Variants in SSTR2 observed in about 807,000 individuals in gnomAD.
SSTR2 encodes the protein somatostatin receptor 2, also known as somatostatin receptor type 2.
SSTR2 carries 10 observed loss-of-function variants against 21.4 expected under a neutral mutation model. The observed-to-expected ratio is 0.47, with a 90% CI of 0.29 to 0.79. The LOEUF is 0.79. Among genes scored for constraint, SSTR2 ranks in the 30% least tolerant of loss-of-function variants. The probability of loss-of-function intolerance (pLI) is 0.10; values close to 1 mark genes in which losing one functional copy is unlikely to be tolerated. For missense variants in SSTR2, 364 were observed against 468.8 expected (o/e 0.78, Z 2.06); for synonymous variants, 177 against 181.3 (o/e 0.98, Z 0.19).
chr17:73,165,128 G>C lies in SSTR2; in HGVS notation c.-253G>C, dbSNP rs1307202094. 1.3e-5 allele frequency: 2 copies of C among 152,124 alleles called. No homozygotes were observed. The highest frequency in any genetic ancestry group is 2.0e-4 in the East Asian group (1 of 5,110). 9.4% of individuals were successfully genotyped at this position (152,124 alleles called of 1,614,324 possible). On this transcript the variant is annotated 5_prime_UTR_variant, in exon 1 of 2. Coordinates refer to ENST00000357585, the MANE Select transcript of SSTR2 (RefSeq NM_001050.3). ...CGAGGGGAGCTCTCTACGTGCGAGGGGCTAGCGGGAGCCGGCACAAGAGGG... is the reference window on the plus strand; with the variant it reads ...CGAGGGGAGCTCTCTACGTGCGAGGCGCTAGCGGGAGCCGGCACAAGAGGG...
In SSTR2 at chr17:73,170,254, A is replaced by G; in HGVS notation, c.935A>G (p.Tyr312Cys). ...YANSCANPIL[Y>C]AFLSDNFKKS... is the part of the protein sequence containing the mutation. ...AACAGCTGTGCCAACCCTATCCTAT[A>G]TGCCTTCTTGTCTGACAACTTCAAG... Residue 312 changes from tyrosine (Y) to cysteine (C), a missense_variant, in exon 2 of 2, where the codon TAT becomes TGT. By Grantham distance (194) the Tyr-to-Cys change is radical. Transcript: ENST00000357585. 6.2e-7 allele frequency: 1 copy of G among 1,613,996 alleles called. No homozygotes were observed. The highest frequency in any genetic ancestry group is 8.5e-7 in the Non-Finnish European group (1 of 1,180,010).
At position 73,170,971 on chromosome 17, in the gene SSTR2, CCTTGCCAAGGCCCAGGAGGGA is replaced by C. The variant is rs2061233342; in HGVS notation, c.*547_*567del. 1 of 328,398 alleles carries C rather than the reference CCTTGCCAAGGCCCAGGAGGGA, an allele frequency of 3.0e-6. No individual in the cohort carries two copies. Among genetic ancestry groups the C allele is most frequent in the East Asian group, 7.8e-5 (1 of 12,840 alleles). The allele number at this position is 328,398 out of a possible 1,614,324, so 20.3% of individuals were successfully genotyped here. A position where few individuals can be genotyped will look rare whatever the true frequency, so the allele number is the denominator to read the frequency against. On this transcript the variant is annotated 3_prime_UTR_variant, in exon 2 of 2. Transcript: ENST00000357585. Reference sequence around the variant, plus strand: ...GCTTCAGGGATCTCTCTTGCACGGGCCTTGCCAAGGCCCAGGAGGGACTTGGGCAGTATGTTCATGTGGTCA... The same window carrying C: ...GCTTCAGGGATCTCTCTTGCACGGGCCTTGGGCAGTATGTTCATGTGGTCA...
intron 1 of SSTR2, among the ~76,000 whole-genome samples, chr17:73,166,453 G>C (rs2061216754): frequency 1.3e-5 from 2 of 151,824 alleles, no homozygotes; most frequent in African/African-American, 2.4e-5. Context: ...AGGGGGGCGG[G>C]GGGGGCAGGT....
Position 73,170,573 on chromosome 17 carries a change from G to T in SSTR2, c.*144G>T. The T allele has an allele frequency of 9.6e-7, 1 of 1,043,184 alleles. No homozygotes were observed. Among genetic ancestry groups the T allele is most frequent in the Admixed American group, 2.0e-5 (1 of 49,962 alleles). The allele number at this position is 1,043,184 out of a possible 1,614,324, so 64.6% of individuals were successfully genotyped here. Reference sequence around the variant, plus strand: ...TCAGCATGAGTCCAATTCAGAGAACGGTGTTTGAGTCAGCTTGTCTGATTG... The same window carrying T: ...TCAGCATGAGTCCAATTCAGAGAACTGTGTTTGAGTCAGCTTGTCTGATTG... On this transcript the variant is annotated 3_prime_UTR_variant, in exon 2 of 2. Coordinates refer to ENST00000357585, the MANE Select transcript of SSTR2 (RefSeq NM_001050.3).
At chr17:73,168,662 C>T (rs781469521) in intron 1 of SSTR2, among the ~76,000 whole-genome samples, 6 of 152,124 alleles carry the variant, frequency 3.9e-5, no homozygotes, top group Non-Finnish European at 7.3e-5. Flanking sequence ...ACATATATTC[C>T]ATCATTTAAC....
At position 73,170,363 on chromosome 17, in the gene SSTR2, C is replaced by T. The variant is rs181609518; in HGVS notation, c.1044C>T (p.Ser348=). ...GERSDSKQDK[S]RLNETTETQR... ...GGAGTGACAGTAAGCAGGACAAATC[C>T]CGGCTGAATGAGACCACGGAGACCC... Residue 348 remains serine, a synonymous_variant, in exon 2 of 2, where the codon TCC becomes TCT. Coordinates refer to ENST00000357585, the MANE Select transcript of SSTR2 (RefSeq NM_001050.3). The T allele has an allele frequency of 6.2e-7, 1 of 1,613,856 alleles. No homozygotes were observed. Among genetic ancestry groups the T allele is most frequent in the Admixed American group, 1.7e-5 (1 of 59,960 alleles).
intron 1 of SSTR2, among the ~76,000 whole-genome samples, chr17:73,168,703 A>C (rs948871635): frequency 9.2e-5 from 14 of 152,330 alleles, no homozygotes; most frequent in Admixed American, 7.2e-4. Flanking sequence ...AAGAAATAAG[A>C]GTCAGAACCA....
intron 1 of SSTR2, among the ~76,000 whole-genome samples, chr17:73,168,938 A>C (rs889042496): frequency 6.6e-6 from 1 of 152,182 alleles, no homozygotes; most frequent in Non-Finnish European, 1.5e-5. Flanking sequence ...TCTGCAGTTT[A>C]GATCAGTCAA....
At chr17:73,167,091 A>C (rs2061218851) in intron 1 of SSTR2, among the ~76,000 whole-genome samples, 1 of 152,222 alleles carries the variant, frequency 6.6e-6, no homozygotes, top group South Asian at 2.1e-4. Context: ...GGCAGCTTGA[A>C]TAGGATTCTG....
chr17:73,167,942 A>G (rs2236754), intron 1 of SSTR2: 44,935 of 152,196 alleles, frequency 0.3, 7,135 homozygotes, highest in Middle Eastern at 0.41. Context: ...AGCCAAGCCA[A>G]TAGTGCTCCA....
In SSTR2 at chr17:73,171,653, G is replaced by T. The variant is rs1014433311; in HGVS notation, c.*1224G>T. ...CCACAATGCATGGCCGGGCGTGGTG[G>T]CTTACACCTGTAATCCCAGCACTTT... On this transcript the variant is annotated 3_prime_UTR_variant, in exon 2 of 2. Coordinates refer to ENST00000357585, the MANE Select transcript of SSTR2 (RefSeq NM_001050.3). 1 of 165,574 alleles carries T rather than the reference G, an allele frequency of 6.0e-6. No homozygotes were observed. Among genetic ancestry groups the T allele is most frequent in the Non-Finnish European group, 1.5e-5 (1 of 68,088 alleles). 10.3% of individuals were successfully genotyped at this position (165,574 alleles called of 1,614,324 possible).
rs2061245322 is a variant in SSTR2 at position 73,174,986 on chromosome 17, T to C, written c.*4557T>C. ...AAATTCTTGCTTTAATAAAAATTCT[T>C]TAAACAGTCAAAATAGAAAGAAAGA... On this transcript the variant is annotated 3_prime_UTR_variant, in exon 2 of 2. Transcript: ENST00000357585. 1 of 152,496 alleles carries C rather than the reference T, an allele frequency of 6.6e-6. No individual in the cohort carries two copies. The allele number at this position is 152,496 out of a possible 1,614,324, so 9.4% of individuals were successfully genotyped here.
In SSTR2 at chr17:73,169,958, C is replaced by G; in HGVS notation, c.639C>G (p.Phe213Leu). 6.2e-7 allele frequency: 1 copy of G among 1,606,754 alleles called. No individual in the cohort carries two copies. Among genetic ancestry groups the G allele is most frequent in the African/African-American group, 1.3e-5 (1 of 74,844 alleles). ...AWYTGFIIYT[F>L]ILGFLVPLTI... ...ACACAGGGTTCATCATCTACACTTT[C>G]ATTCTGGGGTTCCTGGTACCCCTCA... The change falls in exon 2 of 2, where the codon TTC (phenylalanine) becomes TTG (leucine). Residue 213 changes from phenylalanine (F) to leucine (L), a missense_variant. Coordinates refer to ENST00000357585, the MANE Select transcript of SSTR2 (RefSeq NM_001050.3). The surrounding 1 kb of genome is among the most constrained non-coding windows in gnomAD (Gnocchi z 5.2).
rs1599310590 is a variant in SSTR2, at chr17:73,171,959, G to GAAAAAAAAAAAAAAAAAAAAAAAAAAA, written c.*1534_*1535insAAAAAAAAAAAAAAAAAAAAAAAAAAA. ...AAAAAAAAAAAAAAAAAAAAAAAAG[G>GAAAAAAAAAAAAAAAAAAAAAAAAAAA]AAAACCACAATGCGTACTAAAGACC... On this transcript the variant is annotated 3_prime_UTR_variant, in exon 2 of 2. Coordinates refer to ENST00000357585, the MANE Select transcript of SSTR2 (RefSeq NM_001050.3). The GAAAAAAAAAAAAAAAAAAAAAAAAAAA allele has an allele frequency of 1.4e-5, 1 of 73,164 alleles. No homozygotes were observed. The highest frequency in any genetic ancestry group is 4.4e-4 in the East Asian group (1 of 2,256). 4.5% of individuals were successfully genotyped at this position (73,164 alleles called of 1,614,324 possible). A position where few individuals can be genotyped will look rare whatever the true frequency, so the allele number is the denominator to read the frequency against.
rs1235572657 is a variant in SSTR2, at chr17:73,172,443, T to C, written c.*2014T>C. On this transcript the variant is annotated 3_prime_UTR_variant, in exon 2 of 2. Transcript: ENST00000357585. The stretch of plus-strand genomic sequence containing the variant: ...TCCCTAAGCAAGCGCTGTTGGCCGG[T>C]GGGAGTGACTAAGTGCTCCACCTGT... The C allele has an allele frequency of 2.0e-5, 3 of 152,228 alleles. No individual in the cohort carries two copies. Among genetic ancestry groups the C allele is most frequent in the Non-Finnish European group, 2.9e-5 (2 of 68,046 alleles). The allele number at this position is 152,228 out of a possible 1,614,324, so 9.4% of individuals were successfully genotyped here. A position where few individuals can be genotyped will look rare whatever the true frequency, so the allele number is the denominator to read the frequency against.
Position 73,170,144 on chromosome 17 carries a change from CA to C in SSTR2, c.827del (p.Asn276ThrfsTer57). On this transcript the variant is annotated frameshift_variant, in exon 2 of 2. Coordinates refer to ENST00000357585, the MANE Select transcript of SSTR2 (RefSeq NM_001050.3). LOFTEE classifies it high-confidence loss of function. ...IFCWLPFYIF[N>X]VSSVSMAISP... ...TCTGCTGGCTTCCCTTCTACATATT[CA>C]ACGTTTCTTCCGTCTCCATGGCCAT... is the stretch of plus-strand genomic sequence containing the variant. 4.3e-6 allele frequency: 7 copies of C among 1,614,176 alleles called. No individual in the cohort carries two copies. The highest frequency in any genetic ancestry group is 5.9e-6 in the Non-Finnish European group (7 of 1,180,036).
rs2061237706 is a variant in SSTR2, at chr17:73,172,156, C to T, written c.*1727C>T. On this transcript the variant is annotated 3_prime_UTR_variant, in exon 2 of 2. Coordinates refer to ENST00000357585, the MANE Select transcript of SSTR2 (RefSeq NM_001050.3). ...TCATATCTTTAATGCCATGGACTCA[C>T]TGAGCCGCTCTGCAAGGACTATTGT... The T allele has an allele frequency of 6.6e-6, 1 of 152,070 alleles. No individual in the cohort carries two copies. Among genetic ancestry groups the T allele is most frequent in the South Asian group, 2.1e-4 (1 of 4,818 alleles). The allele number at this position is 152,070 out of a possible 1,614,324, so 9.4% of individuals were successfully genotyped here.
Position 73,173,868 on chromosome 17 carries a change from C to A in SSTR2, c.*3439C>A, listed in dbSNP as rs1256161810. ...GCAGGGCTGGGCACGGTGGCTCATG[C>A]CTGTAATCCCAGCACTTTGGGAGGC... On this transcript the variant is annotated 3_prime_UTR_variant, in exon 2 of 2. Coordinates refer to ENST00000357585, the MANE Select transcript of SSTR2 (RefSeq NM_001050.3). 6.6e-6 allele frequency: 1 copy of A among 152,248 alleles called. No homozygotes were observed. The highest frequency in any genetic ancestry group is 1.5e-5 in the Non-Finnish European group (1 of 68,118). The allele number at this position is 152,248 out of a possible 1,614,324, so 9.4% of individuals were successfully genotyped here. A position where few individuals can be genotyped will look rare whatever the true frequency, so the allele number is the denominator to read the frequency against.
chr17:73,168,560 A>G (rs1003120811), intron 1 of SSTR2, among the ~76,000 whole-genome samples: 7 of 152,256 alleles, frequency 4.6e-5, no homozygotes, highest in African/African-American at 1.7e-4. Context: ...AGATTTCAAT[A>G]AATCAGAGAT....
Sources: allele counts gnomAD v4.1 joint callset (sites outside exome capture counted in the v4.1 genomes callset), GRCh38; gene constraint gnomAD v4.1.1; non-coding constraint Gnocchi (gnomAD v3.1); transcripts MANE v1.5; gene names NCBI Gene and HGNC (gene_info 2026-07-23, HGNC 2026-07-21).